Variants in B3GALNT1 observed in about 807,000 individuals in gnomAD.
The protein encoded by B3GALNT1 is UDP-GalNAc:beta-1,3-N-acetylgalactosaminyltransferase 1.
In B3GALNT1, 17 loss-of-function variants were observed where a neutral mutation model predicts 27.3. The observed-to-expected ratio is 0.62, with a 90% CI of 0.43 to 0.94. The LOEUF (loss-of-function observed/expected upper bound fraction) is 0.94, where lower values mean the gene tolerates loss of function less well. Ranked by LOEUF, B3GALNT1 falls within the 40% of genes least tolerant of loss-of-function variation. The pLI is 0.00. For missense variants in B3GALNT1, 347 were observed against 390.0 expected (o/e 0.89, Z 0.93); for synonymous variants, 141 against 144.0 (o/e 0.98, Z 0.15).
intron 4 of B3GALNT1, among the ~76,000 whole-genome samples, chr3:161,096,411 C>G (rs868613567): frequency 6.6e-6 from 1 of 152,188 alleles, no homozygotes; most frequent in East Asian, 1.9e-4. Context: ...TAGATAATTA[C>G]CAAACTACTG....
At chr3:161,091,546 C>A (rs560963231) in intron 4 of B3GALNT1, among the ~76,000 whole-genome samples, 19 of 152,300 alleles carry the variant, frequency 1.2e-4, no homozygotes, top group East Asian at 9.6e-4. Flanking sequence ...TATATGCTAC[C>A]CACCTGTTAG....
At chr3:161,100,153 C>T (rs747288644) in intron 4 of B3GALNT1, among the ~76,000 whole-genome samples, 1 of 152,294 alleles carries the variant, frequency 6.6e-6, no homozygotes, top group South Asian at 2.1e-4. Flanking sequence ...TAACAAACGT[C>T]GAAGGTCCCT....
chr3:161,093,796 C>G (rs1360921151), intron 4 of B3GALNT1, among the ~76,000 whole-genome samples: 1 of 151,722 alleles, frequency 6.6e-6, no homozygotes. Flanking sequence ...GCCAGGAGTT[C>G]AAGACCAACC....
At chr3:161,088,304 T>C (rs1333921313) in intron 4 of B3GALNT1, among the ~76,000 whole-genome samples, 1 of 152,232 alleles carries the variant, frequency 6.6e-6, no homozygotes, top group Non-Finnish European at 1.5e-5. Context: ...CGCAATGTAA[T>C]GTTTTAGCAA....
At position 161,084,954 on chromosome 3, in the gene B3GALNT1, A is replaced by G. The variant is rs1265993403; in HGVS notation, c.*805T>C. The G allele has an allele frequency of 1.3e-5, 2 of 152,188 alleles. No homozygotes were observed. Among genetic ancestry groups the G allele is most frequent in the Non-Finnish European group, 2.9e-5 (2 of 68,022 alleles). 9.4% of individuals were successfully genotyped at this position (152,188 alleles called of 1,614,324 possible). A position where few individuals can be genotyped will look rare whatever the true frequency, so the allele number is the denominator to read the frequency against. On this transcript the variant is annotated 3_prime_UTR_variant, in exon 5 of 5. Transcript: ENST00000320474. Reference sequence around the variant, plus strand: ...TTAAGTGACTTCTAAAAACACTAGGAACTGTATTTTTTAAAAACAAGACAA... The same window carrying G: ...TTAAGTGACTTCTAAAAACACTAGGGACTGTATTTTTTAAAAACAAGACAA...
intron 3 of B3GALNT1, among the ~76,000 whole-genome samples, chr3:161,101,613 C>T (rs1731329776): frequency 6.6e-6 from 1 of 152,140 alleles, no homozygotes; most frequent in South Asian, 2.1e-4. Flanking sequence ...TCACACCAAA[C>T]ATCATGAGTG....
rs2108148604 is a variant in B3GALNT1, at chr3:161,084,811, A to G, written c.*948T>C. 1 of 152,284 alleles carries G rather than the reference A, an allele frequency of 6.6e-6. No individual in the cohort carries two copies. Among genetic ancestry groups the G allele is most frequent in the African/African-American group, 2.4e-5 (1 of 41,566 alleles). 9.4% of individuals were successfully genotyped at this position (152,284 alleles called of 1,614,324 possible). A position where few individuals can be genotyped will look rare whatever the true frequency, so the allele number is the denominator to read the frequency against. On this transcript the variant is annotated 3_prime_UTR_variant, in exon 5 of 5. Coordinates refer to ENST00000320474, the MANE Select transcript of B3GALNT1 (RefSeq NM_003781.4). ...TGCTGGAATATGACACTCTTTTTAT[A>G]ATATTCTGCCCATGAGGTTCTCTCC... is the stretch of plus-strand genomic sequence containing the variant.
intron 3 of B3GALNT1, chr3:161,103,217 G>GC: frequency 4.6e-6 from 1 of 217,318 alleles, no homozygotes; most frequent in South Asian, 5.9e-5. Flanking sequence ...TATTTTTCAA[G>GC]CAAGAAAAAA....
At chr3:161,104,623 T>C (rs1190660531) in intron 1 of B3GALNT1, 3 of 232,638 alleles carry the variant, frequency 1.3e-5, no homozygotes, top group Admixed American at 5.7e-5. Flanking sequence ...AGGAATCCTG[T>C]AGCCCTAGCC....
intron 1 of B3GALNT1, 87 bp from the exon 2 acceptor site, chr3:161,104,493 A>C (rs761775452): frequency 1.1e-5 from 6 of 523,770 alleles, no homozygotes; most frequent in Non-Finnish European, 1.8e-5. Context: ...ACGGATACTG[A>C]ATTCAAAGAC....
intron 3 of B3GALNT1, among the ~76,000 whole-genome samples, chr3:161,101,695 C>T (rs967247199): frequency 3.3e-5 from 5 of 152,250 alleles, no homozygotes; most frequent in Middle Eastern, 6.8e-3. Context: ...AAATCCACAG[C>T]AGGGAACTGA....
Position 161,085,792 on chromosome 3 carries a change from C to T in B3GALNT1, c.963G>A (p.Gln321=). ...GGCATGTGGTGTTCCTTAGCATGAC[C>T]TGCCAAAAAGTGATGATCTCCTTGG... ...FSSKEIITFW[Q]VMLRNTTCHY is the part of the protein sequence containing the mutation. Residue 321 remains glutamine, a synonymous_variant, in exon 5 of 5, where the codon CAG becomes CAA. Transcript: ENST00000320474. The T allele has an allele frequency of 6.2e-7, 1 of 1,614,112 alleles. No individual in the cohort carries two copies. The highest frequency in any genetic ancestry group is 8.5e-7 in the Non-Finnish European group (1 of 1,180,018).
intron 2 of B3GALNT1, among the ~76,000 whole-genome samples, chr3:161,103,730 T>G (rs1353227179): frequency 6.6e-6 from 1 of 152,158 alleles, no homozygotes; most frequent in Non-Finnish European, 1.5e-5. Context: ...TGTTTTTTTG[T>G]TTTTTGTTTG....
At chr3:161,098,041 A>G (rs1349180132) in intron 4 of B3GALNT1, among the ~76,000 whole-genome samples, 2 of 152,126 alleles carry the variant, frequency 1.3e-5, no homozygotes, top group Non-Finnish European at 2.9e-5. Flanking sequence ...TTTCTACTCT[A>G]TCCAATTTCT....
chr3:161,099,620 T>C (rs1470595553), intron 4 of B3GALNT1, among the ~76,000 whole-genome samples: 3 of 152,196 alleles, frequency 2.0e-5, no homozygotes, highest in Admixed American at 6.5e-5. Context: ...TTTTAGGACA[T>C]TGGGCTAGGA....
At chr3:161,096,238 T>C (rs909877154) in intron 4 of B3GALNT1, among the ~76,000 whole-genome samples, 3 of 152,226 alleles carry the variant, frequency 2.0e-5, no homozygotes, top group African/African-American at 7.2e-5. Flanking sequence ...TTGTTGATTA[T>C]GTTTTTCTTC....
intron 4 of B3GALNT1, among the ~76,000 whole-genome samples, chr3:161,099,210 C>A (rs532245161): frequency 6.6e-6 from 1 of 152,300 alleles, no homozygotes; most frequent in South Asian, 2.1e-4. Flanking sequence ...GGAAAAAAAT[C>A]ACAGGCCTAT....
At position 161,105,314 on chromosome 3, in the gene B3GALNT1, C is replaced by A. The variant is rs975596392; in HGVS notation, c.-388G>T. 1.3e-5 allele frequency: 2 copies of A among 152,032 alleles called. No homozygotes were observed. Among genetic ancestry groups the A allele is most frequent in the African/African-American group, 4.8e-5 (2 of 41,376 alleles). 9.4% of individuals were successfully genotyped at this position (152,032 alleles called of 1,614,324 possible). A position where few individuals can be genotyped will look rare whatever the true frequency, so the allele number is the denominator to read the frequency against. On this transcript the variant is annotated 5_prime_UTR_variant, in exon 1 of 5. Transcript: ENST00000320474. ...TCCCTGCGCACACACGCAGCCTCCC[C>A]GCATCCGCACGCACGGCCGGGCGCG...
intron 4 of B3GALNT1, among the ~76,000 whole-genome samples, chr3:161,099,314 T>A (rs1425166259): frequency 6.6e-6 from 1 of 152,206 alleles, no homozygotes; most frequent in East Asian, 1.9e-4. Context: ...CATTAAAAGA[T>A]GTAATTACAA....
Sources: gnomAD v4.1 joint callset for allele counts (sites outside exome capture counted in the v4.1 genomes callset) on GRCh38, gnomAD v4.1.1 for gene constraint, MANE v1.5 for transcripts, NCBI Gene and HGNC (gene_info 2026-07-23, HGNC 2026-07-21) for gene names.